The following SOX5 variants were observed in gnomAD, a reference collection of about 807,000 sequenced individuals.
The protein encoded by SOX5 is transcription factor SOX-5.
Under a neutral mutation model 92.0 loss-of-function variants are expected in SOX5, and 9 were observed. The observed-to-expected ratio is 0.10, with a 90% CI of 0.06 to 0.17. SOX5 has a LOEUF of 0.17. Ranked by LOEUF, SOX5 falls within the 10% of genes least tolerant of loss-of-function variation. The pLI, the probability that SOX5 is intolerant of heterozygous loss-of-function variation, is 1.00. For synonymous variants in SOX5, 344 were observed against 336.3 expected (o/e 1.02, Z -0.25); for missense variants, 642 against 944.5 (o/e 0.68, Z 4.20).
At chr12:23,811,263 A>T (rs1294917793) in intron 3 of SOX5, among the ~76,000 whole-genome samples, 1 of 152,158 alleles carries the variant, frequency 6.6e-6, no homozygotes, top group Non-Finnish European at 1.5e-5. Context: ...TAATATTAAG[A>T]ATCCTAATAT....
intron 1 of SOX5, among the ~76,000 whole-genome samples, chr12:24,520,915 T>C (rs1461575220): frequency 6.6e-6 from 1 of 152,180 alleles, no homozygotes; most frequent in African/African-American, 2.4e-5. Context: ...AACATCATTA[T>C]ATAATGACAA....
intron 4 of SOX5, among the ~76,000 whole-genome samples, chr12:24,009,639 T>C (rs1952689589): frequency 6.6e-6 from 1 of 152,166 alleles, no homozygotes; most frequent in African/African-American, 2.4e-5. Flanking sequence ...TCAGAGTATT[T>C]CTAATGCCTT....
intron 4 of SOX5, among the ~76,000 whole-genome samples, chr12:24,132,757 C>G (rs895544277): frequency 6.6e-6 from 1 of 151,978 alleles, no homozygotes; most frequent in Non-Finnish European, 1.5e-5. Flanking sequence ...ATGGAAAACA[C>G]GACAGAACTC....
intron 4 of SOX5, among the ~76,000 whole-genome samples, chr12:23,989,239 AAAAT>A (rs1950335802): frequency 7.2e-6 from 1 of 138,032 alleles, no homozygotes; most frequent in Non-Finnish European, 1.6e-5. Context: ...AAAAAAAAAA[AAAAT>A]TAGCTAGGCG....
chr12:23,640,730 G>A, intron 8 of SOX5, 82 bp downstream of exon 8: 3 of 949,524 alleles, frequency 3.2e-6, no homozygotes, highest in Non-Finnish European at 3.4e-6. Flanking sequence ...TCACGAGTCA[G>A]TTTTATTTTG....
At chr12:24,098,149 G>A (rs1343705965) in intron 4 of SOX5, among the ~76,000 whole-genome samples, 36 of 152,110 alleles carry the variant, frequency 2.4e-4, no homozygotes, top group Admixed American at 2.4e-3. Context: ...GTGTCAGTGA[G>A]TTTTCTAAGT....
chr12:23,733,069 T>A (rs1015523339), intron 6 of SOX5, among the ~76,000 whole-genome samples: 2 of 152,194 alleles, frequency 1.3e-5, no homozygotes, highest in Non-Finnish European at 2.9e-5. Flanking sequence ...ACTGAAGGTG[T>A]TGGCTAATCT....
chr12:24,435,169 T>G (rs1436035060), intron 1 of SOX5, among the ~76,000 whole-genome samples: 1 of 152,162 alleles, frequency 6.6e-6, no homozygotes. Flanking sequence ...TATACAGAGT[T>G]TTCTCTGGAG....
chr12:23,686,355 T>C (rs187405215), intron 6 of SOX5, among the ~76,000 whole-genome samples: 2 of 152,332 alleles, frequency 1.3e-5, no homozygotes, highest in Non-Finnish European at 2.9e-5. Context: ...TATTTATTTA[T>C]TTTTGTATTG....
chr12:24,046,613 C>T (rs1426548645), intron 4 of SOX5, among the ~76,000 whole-genome samples: 1 of 148,544 alleles, frequency 6.7e-6, no homozygotes, highest in East Asian at 2.0e-4. Context: ...AAAAGTAAAA[C>T]AAAAGACATG....
chr12:23,835,323 T>G (rs2096395578), intron 3 of SOX5, among the ~76,000 whole-genome samples: 1 of 151,918 alleles, frequency 6.6e-6, no homozygotes, highest in South Asian at 2.1e-4. Flanking sequence ...CCTGGACCCA[T>G]AAATCATGAA....
At chr12:24,479,879 T>C (rs552338917) in intron 1 of SOX5, among the ~76,000 whole-genome samples, 25 of 152,280 alleles carry the variant, frequency 1.6e-4, no homozygotes, top group Non-Finnish European at 2.5e-4. Flanking sequence ...TTGGCCAGGC[T>C]GGTCTCGAAC....
chr12:24,229,835 A>G (rs974608972), intron 3 of SOX5, among the ~76,000 whole-genome samples: 2 of 152,200 alleles, frequency 1.3e-5, no homozygotes, highest in African/African-American at 4.8e-5. Context: ...TCTTGTTAAT[A>G]TTGCCACATC....
intron 6 of SOX5, among the ~76,000 whole-genome samples, chr12:23,695,076 T>G (rs867487250): frequency 6.6e-6 from 1 of 150,652 alleles, no homozygotes; most frequent in African/African-American, 2.5e-5. Context: ...GCCGTGACTG[T>G]GTCACTCTAC....
chr12:24,159,166 A>G (rs1013196102), intron 4 of SOX5, among the ~76,000 whole-genome samples: 4 of 149,536 alleles, frequency 2.7e-5, no homozygotes, highest in Non-Finnish European at 5.9e-5. Flanking sequence ...TCTTTATTTC[A>G]TTCACTCACT....
intron 3 of SOX5, among the ~76,000 whole-genome samples, chr12:23,806,011 A>C (rs955947488): frequency 6.6e-5 from 10 of 152,226 alleles, no homozygotes; most frequent in African/African-American, 2.4e-4. Flanking sequence ...AAAATTAGGA[A>C]TATGCTAAGA....
intron 2 of SOX5, among the ~76,000 whole-genome samples, chr12:23,853,561 T>TA (rs71059933): frequency 6.6e-6 from 1 of 151,302 alleles, no homozygotes; most frequent in Non-Finnish European, 1.5e-5. Context: ...TTTTTTTTTT[T>TA]ACCCCAAATG....
Position 23,561,230 on chromosome 12 carries a change from G to A in SOX5, c.1488+2028C>T, listed in dbSNP as rs147217587. 3.8e-3 allele frequency among the ~76,000 whole-genome samples: 582 copies of A among 152,234 alleles called. 2 individuals are homozygous for A. The highest frequency in any genetic ancestry group is 0.012 in the African/African-American group (507 of 41,558). On this transcript the variant is annotated intron_variant, in intron 11 of 14. Transcript: ENST00000451604. ...GAAAATTGAAGCAGTAGCTATCAAC[G>A]GAGGCAACTCTCACTCCTGCAACCC...
intron 2 of SOX5, among the ~76,000 whole-genome samples, chr12:24,322,727 T>TA (rs1185218559): frequency 6.6e-6 from 1 of 152,172 alleles, no homozygotes; most frequent in Non-Finnish European, 1.5e-5. Flanking sequence ...AAACCTCTGT[T>TA]AATGAAATTC....
Sources: gnomAD v4.1 joint callset for allele counts (sites outside exome capture counted in the v4.1 genomes callset) on GRCh38, gnomAD v4.1.1 for gene constraint, MANE v1.5 for transcripts, NCBI Gene and HGNC (gene_info 2026-07-23, HGNC 2026-07-21) for gene names.